The following CSMD1 variants were observed in gnomAD, a reference collection of about 807,000 sequenced individuals.
CSMD1 encodes CUB and Sushi multiple domains 1, also known as CUB and sushi domain-containing protein 1.
In CSMD1, 213 loss-of-function variants were observed where a neutral mutation model predicts 417.5. That is an observed-to-expected ratio of 0.51 (90% CI 0.46 to 0.57). The LOEUF (loss-of-function observed/expected upper bound fraction) is 0.57. CSMD1 is among the 20% of genes least tolerant of loss of function. CSMD1 has a pLI of 0.00. For synonymous variants in CSMD1, 2,862 were observed against 1,736.8 expected, an observed-to-expected ratio of 1.65 and a Z score of -16.11; for missense variants, 6,923 against 4,529.7, an observed-to-expected ratio of 1.53 and a Z score of -15.17.
chr8:3,668,900 G>A (rs991955376), intron 7 of CSMD1, among the ~76,000 whole-genome samples: 1 of 152,150 alleles, frequency 6.6e-6, no homozygotes, highest in African/African-American at 2.4e-5. Context: ...GCAAAGCAAC[G>A]CCTACATCCC....
intron 1 of CSMD1, among the ~76,000 whole-genome samples, chr8:4,877,925 G>A (rs1323940809): frequency 6.6e-6 from 1 of 151,998 alleles, no homozygotes; most frequent in Non-Finnish European, 1.5e-5. Flanking sequence ...ATGTACAATG[G>A]GAAAGGGACC....
At chr8:4,279,954 G>A (rs1239664685) in intron 3 of CSMD1, among the ~76,000 whole-genome samples, 1 of 152,118 alleles carries the variant, frequency 6.6e-6, no homozygotes. Flanking sequence ...AAGTACATAG[G>A]GGCAAGAACA....
At chr8:3,299,082 T>C (rs2406459) in intron 25 of CSMD1, among the ~76,000 whole-genome samples, 98,486 of 152,072 alleles carry the variant, frequency 0.65, 33,406 homozygotes, top group Non-Finnish European at 0.76. Flanking sequence ...TAAGTGTCAG[T>C]CATTTTTTAT....
intron 3 of CSMD1, among the ~76,000 whole-genome samples, chr8:4,037,537 C>A (rs1217863690): frequency 3.3e-5 from 5 of 152,160 alleles, no homozygotes; most frequent in African/African-American, 1.2e-4. Flanking sequence ...ATTTGAAAAA[C>A]ACAAATCAGA....
In CSMD1 at chr8:3,694,195, T is replaced by C. The variant is rs1267961534; in HGVS notation, c.1009+14219A>G. Among the ~76,000 whole-genome samples the C allele has an allele frequency of 2.5e-4, 38 of 151,976 alleles. 1 individual carries two copies. The highest frequency in any genetic ancestry group is 2.5e-3 in the Admixed American group (38 of 15,248). Reference sequence around the variant, plus strand: ...CTCACCAACAAGGTGAATGTGTCCATAGATGGGGCAGGGACCTCTGAAACC... The same window carrying C: ...CTCACCAACAAGGTGAATGTGTCCACAGATGGGGCAGGGACCTCTGAAACC... On this transcript the variant is annotated intron_variant, in intron 7 of 69. Coordinates refer to ENST00000635120, the MANE Select transcript of CSMD1 (RefSeq NM_033225.6).
chr8:3,323,993 C>G (rs943092236), intron 23 of CSMD1, among the ~76,000 whole-genome samples: 1 of 143,198 alleles, frequency 7.0e-6, no homozygotes, highest in Non-Finnish European at 1.5e-5. Context: ...TTAAAATAGA[C>G]ACACATCTAA....
At chr8:3,655,042 C>G (rs1001960746) in intron 7 of CSMD1, among the ~76,000 whole-genome samples, 1 of 152,096 alleles carries the variant, frequency 6.6e-6, no homozygotes, top group African/African-American at 2.4e-5. Flanking sequence ...TAAAATATAT[C>G]AGTTAAAGAG....
At chr8:4,589,060 T>TA (rs924823821) in intron 2 of CSMD1, among the ~76,000 whole-genome samples, 1 of 152,080 alleles carries the variant, frequency 6.6e-6, no homozygotes, top group Non-Finnish European at 1.5e-5. Flanking sequence ...TGTAATAGTG[T>TA]AAAAATAGAA....
At chr8:4,288,142 T>G (rs1334493498) in intron 3 of CSMD1, among the ~76,000 whole-genome samples, 2 of 152,154 alleles carry the variant, frequency 1.3e-5, no homozygotes, top group East Asian at 3.9e-4. Flanking sequence ...CATTAAAGTT[T>G]GACTGAGAAA....
At position 3,620,176 on chromosome 8, in the gene CSMD1, A is replaced by T. The variant is rs1258459686; in HGVS notation, c.1010-3379T>A. Among the ~76,000 whole-genome samples the T allele has an allele frequency of 2.0e-5, 3 of 152,300 alleles. No homozygotes were observed. In the East Asian group the frequency reaches 5.8e-4, roughly 29 times the overall value. On this transcript the variant is annotated intron_variant, in intron 7 of 69. Coordinates refer to ENST00000635120, the MANE Select transcript of CSMD1 (RefSeq NM_033225.6). ...ATTGCTGAAAAAATGTCAGCTGAAA[A>T]TTCTACATCTAGGAAAACCATCCTT... is the stretch of plus-strand genomic sequence containing the variant.
chr8:3,262,986 C>T (rs1262646302), intron 26 of CSMD1, among the ~76,000 whole-genome samples: 1 of 152,168 alleles, frequency 6.6e-6, no homozygotes, highest in Non-Finnish European at 1.5e-5. Flanking sequence ...GTATTATGGA[C>T]ATTACAGTTA....
intron 10 of CSMD1, among the ~76,000 whole-genome samples, chr8:3,559,821 T>C (rs1313102322): frequency 2.0e-5 from 3 of 152,042 alleles, no homozygotes; most frequent in East Asian, 3.9e-4. Flanking sequence ...CTATGAGGGA[T>C]TAAAACAAAA....
At chr8:3,389,496 G>C (rs1181304294) in intron 17 of CSMD1, among the ~76,000 whole-genome samples, 7 of 152,058 alleles carry the variant, frequency 4.6e-5, no homozygotes, top group Non-Finnish European at 7.4e-5. Context: ...TGATCTCTAG[G>C]TTTCTGGGGA....
Position 4,012,084 on chromosome 8 carries a change from T to G in CSMD1, c.611-13974A>C, listed in dbSNP as rs1286867336. 3.3e-5 allele frequency among the ~76,000 whole-genome samples: 5 copies of G among 152,290 alleles called. No homozygotes were observed. In the South Asian group the frequency reaches 6.2e-4, roughly 19 times the overall value. On this transcript the variant is annotated intron_variant, in intron 4 of 69. Coordinates refer to ENST00000635120, the MANE Select transcript of CSMD1 (RefSeq NM_033225.6). ...GCAGCCATCATATGCCTAGCTATAT[T>G]GTAGACATAGCCACAATGAAACATT...
At chr8:4,537,702 C>A (rs937988081) in intron 2 of CSMD1, among the ~76,000 whole-genome samples, 3 of 152,102 alleles carry the variant, frequency 2.0e-5, no homozygotes, top group South Asian at 2.1e-4. Context: ...TGTGCTCAGA[C>A]AAAAGCATGG....
chr8:3,623,418 G>C (rs1198913393), intron 7 of CSMD1, among the ~76,000 whole-genome samples: 2 of 152,136 alleles, frequency 1.3e-5, no homozygotes, highest in Non-Finnish European at 2.9e-5. Context: ...TGTCTGAAAA[G>C]AAGTATAAGC....
intron 3 of CSMD1, among the ~76,000 whole-genome samples, chr8:4,393,794 A>G (rs1426590226): frequency 1.3e-5 from 2 of 152,202 alleles, no homozygotes; most frequent in African/African-American, 2.4e-5. Context: ...TTAACTGATC[A>G]TCTTTATATG....
intron 5 of CSMD1, among the ~76,000 whole-genome samples, chr8:3,830,307 G>C (rs749954620): frequency 2.6e-4 from 40 of 152,318 alleles, no homozygotes; most frequent in Non-Finnish European, 4.3e-4. Flanking sequence ...GGCAAACTAA[G>C]CGTCAGCCTT....
chr8:4,208,011 A>T (rs901015941), intron 3 of CSMD1, among the ~76,000 whole-genome samples: 1 of 152,148 alleles, frequency 6.6e-6, no homozygotes, highest in Non-Finnish European at 1.5e-5. Flanking sequence ...TTAAAACCTA[A>T]AAGTCCAACA....
Sources: gnomAD v4.1 joint callset for allele counts (sites outside exome capture counted in the v4.1 genomes callset) on GRCh38, gnomAD v4.1.1 for gene constraint, MANE v1.5 for transcripts, NCBI Gene and HGNC (gene_info 2026-07-23, HGNC 2026-07-21) for gene names.